Variants in TMEM117 observed in about 807,000 individuals in gnomAD.
The protein encoded by TMEM117 is transmembrane protein 117.
A neutral mutation model predicts 52.4 loss-of-function variants in TMEM117; 27 were observed. The observed-to-expected ratio is 0.51, with a 90% CI of 0.38 to 0.71. TMEM117 has a LOEUF of 0.71. Ranked by LOEUF, TMEM117 falls within the 30% of genes least tolerant of loss-of-function variation. The pLI, the probability that TMEM117 is intolerant of heterozygous loss-of-function variation, is 0.00. For synonymous variants in TMEM117, 215 were observed against 206.3 expected (o/e 1.04, Z -0.36); for missense variants, 556 against 630.5 (o/e 0.88, Z 1.26).
chr12:44,059,360 G>A (rs73091734), intron 3 of TMEM117, among the ~76,000 whole-genome samples: 7,908 of 152,246 alleles, frequency 0.052, 328 homozygotes, highest in African/African-American at 0.11. Context: ...GTAAATAAAT[G>A]TGAAAAATTA....
At chr12:44,039,654 A>C (rs1164531979) in intron 3 of TMEM117, among the ~76,000 whole-genome samples, 2 of 152,012 alleles carry the variant, frequency 1.3e-5, no homozygotes, top group African/African-American at 4.8e-5. Flanking sequence ...TTGGGGTTTT[A>C]ATCTGTGAAT....
chr12:44,031,119 TGG>T (rs1946626582), intron 3 of TMEM117, among the ~76,000 whole-genome samples: 1 of 152,202 alleles, frequency 6.6e-6, no homozygotes, highest in Non-Finnish European at 1.5e-5. Context: ...TTGGCTTATT[TGG>T]TATAAAAATC....
intron 3 of TMEM117, among the ~76,000 whole-genome samples, chr12:43,972,360 T>C (rs1269767001): frequency 6.6e-6 from 1 of 152,206 alleles, no homozygotes; most frequent in Non-Finnish European, 1.5e-5. Flanking sequence ...ACTTCAAGAA[T>C]GAAGCCGTGG....
At chr12:44,178,859 G>C (rs981444932) in intron 4 of TMEM117, among the ~76,000 whole-genome samples, 1 of 152,076 alleles carries the variant, frequency 6.6e-6, no homozygotes, top group Non-Finnish European at 1.5e-5. Flanking sequence ...GTATTAGTCA[G>C]GGTTCTCCAG....
At chr12:44,280,888 G>T (rs7961536) in intron 5 of TMEM117, among the ~76,000 whole-genome samples, 11,285 of 150,376 alleles carry the variant, frequency 0.075, 1,243 homozygotes, top group African/African-American at 0.25. Flanking sequence ...ACCAAACAAG[G>T]TTGATGATTT....
intron 4 of TMEM117, among the ~76,000 whole-genome samples, chr12:44,168,111 G>T: frequency 6.6e-6 from 1 of 152,024 alleles, no homozygotes; most frequent in Non-Finnish European, 1.5e-5. Flanking sequence ...AAAATTAGCT[G>T]GGTGTGGTGG....
At chr12:44,293,276 T>TTTTC (rs1249112432) in intron 5 of TMEM117, among the ~76,000 whole-genome samples, 1 of 152,056 alleles carries the variant, frequency 6.6e-6, no homozygotes, top group Non-Finnish European at 1.5e-5. Context: ...TTAGAATGTC[T>TTTTC]TTTCCCATTC....
downstream of TMEM117, among the ~76,000 whole-genome samples, chr12:44,389,998 T>A (rs1250317520): frequency 6.6e-6 from 1 of 152,126 alleles, no homozygotes; most frequent in Non-Finnish European, 1.5e-5. Flanking sequence ...TATGATTTTT[T>A]AAATCTCTCT....
At chr12:44,366,543 T>G (rs1951791715) in intron 6 of TMEM117, among the ~76,000 whole-genome samples, 2 of 152,088 alleles carry the variant, frequency 1.3e-5, no homozygotes, top group African/African-American at 2.4e-5. Flanking sequence ...CTTTCCTCTC[T>G]TACATGAGGA....
the TMEM117 span, chr12:43,800,552 CTTAGT>C: frequency 6.4e-7 from 1 of 1,570,638 alleles, no homozygotes; most frequent in Non-Finnish European, 8.8e-7. Context: ...TGAAAGTTTA[CTTAGT>C]TTATAGATGA....
At chr12:43,993,363 C>T (rs548773861) in intron 3 of TMEM117, among the ~76,000 whole-genome samples, 7 of 152,284 alleles carry the variant, frequency 4.6e-5, no homozygotes, top group South Asian at 2.1e-4. Context: ...TGCTCAACAA[C>T]GGGTGTTTGT....
intron 2 of TMEM117, among the ~76,000 whole-genome samples, chr12:43,932,900 G>A (rs1944893772): frequency 6.6e-6 from 1 of 152,158 alleles, no homozygotes; most frequent in African/African-American, 2.4e-5. Flanking sequence ...CAGGATAAAA[G>A]GGAGAGTCAG....
intron 5 of TMEM117, among the ~76,000 whole-genome samples, chr12:44,226,580 G>A (rs1347838242): frequency 6.6e-6 from 1 of 151,718 alleles, no homozygotes; most frequent in African/African-American, 2.4e-5. Context: ...AAATTCACAT[G>A]TTGAAGTCCT....
intron 2 of TMEM117, among the ~76,000 whole-genome samples, chr12:43,867,626 A>G (rs1298707384): frequency 6.6e-6 from 1 of 152,238 alleles, no homozygotes; most frequent in Admixed American, 6.5e-5. Context: ...AATCAACAGG[A>G]TGGAAAATGA....
intron 4 of TMEM117, among the ~76,000 whole-genome samples, chr12:44,150,464 C>CT (rs2138219750): frequency 6.6e-6 from 1 of 152,234 alleles, no homozygotes; most frequent in Non-Finnish European, 1.5e-5. Context: ...CAACATGGAC[C>CT]ATCGCACAGA....
intron 2 of TMEM117, among the ~76,000 whole-genome samples, chr12:43,881,598 T>A (rs932665019): frequency 2.6e-5 from 4 of 152,016 alleles, no homozygotes; most frequent in Non-Finnish European, 4.4e-5. Flanking sequence ...GAGACCAGCC[T>A]GACCAAAATG....
chr12:44,335,329 A>G (rs1421730456), intron 6 of TMEM117, among the ~76,000 whole-genome samples: 3 of 152,108 alleles, frequency 2.0e-5, no homozygotes, highest in Non-Finnish European at 4.4e-5. Flanking sequence ...CAACAGATGA[A>G]CTAAGTCTAA....
intron 3 of TMEM117, among the ~76,000 whole-genome samples, chr12:44,064,983 ATAT>A (rs1295576471): frequency 1.3e-5 from 2 of 152,250 alleles, no homozygotes; most frequent in East Asian, 3.8e-4. Flanking sequence ...GCATATCAAA[ATAT>A]TATGTGGTAT....
At chr12:43,885,601 G>T (rs1370866655) in intron 2 of TMEM117, among the ~76,000 whole-genome samples, 1 of 151,208 alleles carries the variant, frequency 6.6e-6, no homozygotes, top group African/African-American at 2.4e-5. Flanking sequence ...TTTCTTTTTA[G>T]GCATAAATAT....
Sources: gnomAD v4.1 joint callset for allele counts (sites outside exome capture counted in the v4.1 genomes callset) on GRCh38, gnomAD v4.1.1 for gene constraint, MANE v1.5 for transcripts, NCBI Gene and HGNC (gene_info 2026-07-23, HGNC 2026-07-21) for gene names.